Variants in BNC2 observed in about 807,000 individuals in gnomAD.
The protein encoded by BNC2 is zinc finger protein basonuclin-2.
BNC2 carries 20 observed loss-of-function variants against 76.3 expected under a neutral mutation model. That is an observed-to-expected ratio of 0.26 (90% confidence interval 0.18 to 0.38). The LOEUF (loss-of-function observed/expected upper bound fraction) is 0.38. BNC2 is among the 10% of genes least tolerant of loss of function. The probability of loss-of-function intolerance (pLI) is 1.00; values close to 1 mark genes in which losing one functional copy is unlikely to be tolerated. For synonymous variants in BNC2, 582 were observed against 514.8 expected (o/e 1.13, Z -1.77); for missense variants, 1,382 against 1,399.8 (o/e 0.99, Z 0.20).
chr9:16,672,780 G>T (rs1822518007), intron 3 of BNC2, among the ~76,000 whole-genome samples: 1 of 152,036 alleles, frequency 6.6e-6, no homozygotes, highest in Admixed American at 6.6e-5. Context: ...GGACACTGTC[G>T]CCAAATTCTG....
intron 3 of BNC2, among the ~76,000 whole-genome samples, chr9:16,694,289 G>A (rs1018337403): frequency 2.6e-5 from 4 of 152,126 alleles, no homozygotes; most frequent in Non-Finnish European, 4.4e-5. Flanking sequence ...AAGGGAAAGA[G>A]CAAATATTAG....
intron 4 of BNC2, among the ~76,000 whole-genome samples, chr9:16,557,750 C>T (rs6475060): frequency 0.2 from 30,661 of 151,834 alleles, 5,730 homozygotes; most frequent in African/African-American, 0.49. Context: ...TTTTGCCTGA[C>T]TTGTGTCCAC....
At chr9:16,679,537 T>A (rs1231839729) in intron 3 of BNC2, among the ~76,000 whole-genome samples, 2 of 152,192 alleles carry the variant, frequency 1.3e-5, no homozygotes, top group Non-Finnish European at 2.9e-5. Flanking sequence ...CCTGATGGTT[T>A]AAATTATTTC....
chr9:16,468,723 A>G (rs1821751179), intron 5 of BNC2, among the ~76,000 whole-genome samples: 1 of 152,008 alleles, frequency 6.6e-6, no homozygotes, highest in African/African-American at 2.4e-5. Context: ...TTCCCCAACA[A>G]CCACCAGAAG....
chr9:16,649,380 C>T (rs563724674), intron 3 of BNC2, among the ~76,000 whole-genome samples: 152 of 152,286 alleles, frequency 1.0e-3, no homozygotes, highest in African/African-American at 3.4e-3. Context: ...TTCTCAGACC[C>T]TTATAAATCA....
intron 1 of BNC2, among the ~76,000 whole-genome samples, chr9:16,793,639 C>T (rs868726319): frequency 7.4e-6 from 1 of 135,618 alleles, no homozygotes; most frequent in Admixed American, 7.7e-5. Context: ...GGGTACTTGC[C>T]TTCCACATCT....
At chr9:16,779,850 G>C (rs769283266) in intron 1 of BNC2, among the ~76,000 whole-genome samples, 46 of 152,282 alleles carry the variant, frequency 3.0e-4, no homozygotes, top group Middle Eastern at 3.4e-3. Flanking sequence ...GGGGGGGCCA[G>C]GAAGGTGAAA....
intron 5 of BNC2, among the ~76,000 whole-genome samples, chr9:16,466,052 C>T (rs959133583): frequency 9.7e-6 from 1 of 102,968 alleles, no homozygotes; most frequent in African/African-American, 3.9e-5. Flanking sequence ...AAACAGAGAG[C>T]CAAATCATGA....
At chr9:16,530,289 T>C (rs1289592294) in intron 5 of BNC2, among the ~76,000 whole-genome samples, 3 of 152,164 alleles carry the variant, frequency 2.0e-5, no homozygotes, top group Non-Finnish European at 4.4e-5. Flanking sequence ...TCTCCCTGAA[T>C]ATAGCTTCAT....
At chr9:16,800,858 T>C (rs189129853) in intron 1 of BNC2, among the ~76,000 whole-genome samples, 2 of 152,172 alleles carry the variant, frequency 1.3e-5, no homozygotes, top group African/African-American at 2.4e-5. Flanking sequence ...TCTAAGATAG[T>C]TGTCTTTCTC....
At chr9:16,651,073 T>G (rs1174727328) in intron 3 of BNC2, among the ~76,000 whole-genome samples, 1 of 152,198 alleles carries the variant, frequency 6.6e-6, no homozygotes, top group Non-Finnish European at 1.5e-5. Flanking sequence ...CACAGGGATA[T>G]TTTAAGGATT....
At chr9:16,490,667 T>G (rs906651486) in intron 5 of BNC2, among the ~76,000 whole-genome samples, 6 of 152,216 alleles carry the variant, frequency 3.9e-5, no homozygotes, top group Non-Finnish European at 8.8e-5. Context: ...GTGATTCTTA[T>G]GTTTCCTCAA....
chr9:16,553,813 C>T (rs1345104615), intron 4 of BNC2, among the ~76,000 whole-genome samples: 1 of 152,184 alleles, frequency 6.6e-6, no homozygotes, highest in African/African-American at 2.4e-5. Flanking sequence ...AATATAATTA[C>T]ATTTTGCCTC....
chr9:16,609,938 C>T (rs1317319795), intron 3 of BNC2, among the ~76,000 whole-genome samples: 1 of 152,108 alleles, frequency 6.6e-6, no homozygotes, highest in Non-Finnish European at 1.5e-5. Context: ...CTTTGTTTTG[C>T]TCTTATTCTT....
chr9:16,418,919 CACTG>C lies in BNC2; in HGVS notation c.*66_*69del, dbSNP rs1469873119. 4 of 1,536,554 alleles carry C rather than the reference CACTG, an allele frequency of 2.6e-6. 1 individual carries two copies. In the South Asian group the frequency reaches 3.4e-5, roughly 13 times the overall value. On this transcript the variant is annotated 3_prime_UTR_variant, in exon 7 of 7. Transcript: ENST00000380672. ...CACACACCCCAAGTACATAAGCGCA[CACTG>C]ACTATGGCAGTTCAAACACGTAGGC...
chr9:16,693,067 T>C (rs1180415208), intron 3 of BNC2, among the ~76,000 whole-genome samples: 3 of 140,648 alleles, frequency 2.1e-5, no homozygotes, highest in South Asian at 4.5e-4. Context: ...GAGGCAGAGG[T>C]TGCAGTGAGC....
chr9:16,687,225 A>G (rs1451078828), intron 3 of BNC2, among the ~76,000 whole-genome samples: 2 of 152,216 alleles, frequency 1.3e-5, no homozygotes, highest in Admixed American at 6.5e-5. Flanking sequence ...AAAATGTAAT[A>G]ACTACATTTA....
chr9:16,597,884 G>A (rs1055435942), intron 3 of BNC2, among the ~76,000 whole-genome samples: 2 of 151,710 alleles, frequency 1.3e-5, no homozygotes, highest in African/African-American at 2.4e-5. Flanking sequence ...CCTGGTTTTC[G>A]GGGCAGTTTT....
intron 1 of BNC2, among the ~76,000 whole-genome samples, chr9:16,793,924 G>T (rs541578421): frequency 7.3e-6 from 1 of 137,726 alleles, no homozygotes; most frequent in Non-Finnish European, 1.5e-5. Flanking sequence ...GGATGGTCTC[G>T]ATCTCCTGAC....
Sources: allele counts gnomAD v4.1 joint callset (sites outside exome capture counted in the v4.1 genomes callset), GRCh38; gene constraint gnomAD v4.1.1; transcripts MANE v1.5; gene names NCBI Gene and HGNC (gene_info 2026-07-23, HGNC 2026-07-21).